The following TENM4 variants were observed in gnomAD, a reference collection of about 807,000 sequenced individuals.
TENM4 encodes the protein teneurin transmembrane protein 4.
A neutral mutation model predicts 243.3 loss-of-function variants in TENM4; 82 were observed. That is an observed-to-expected ratio of 0.34 (90% CI 0.28 to 0.40). The LOEUF is 0.40. TENM4 is among the 10% of genes least tolerant of loss of function. The pLI is 1.00. For missense variants in TENM4, 3,138 were observed against 3,673.3 expected, an observed-to-expected ratio of 0.85 and a Z score of 3.77; for synonymous variants, 1,412 against 1,456.3, an observed-to-expected ratio of 0.97 and a Z score of 0.69.
At chr11:79,374,122 T>C (rs909408021) in intron 1 of TENM4, among the ~76,000 whole-genome samples, 4 of 152,180 alleles carry the variant, frequency 2.6e-5, no homozygotes, top group Admixed American at 1.3e-4. Flanking sequence ...AAGGGTCATC[T>C]GATGATTTAC....
Position 78,654,777 on chromosome 11 carries a change from T to C in TENM4, c.*3281A>G, listed in dbSNP as rs970644328. 2 of 141,098 alleles carry C rather than the reference T, an allele frequency of 1.4e-5. No homozygotes were observed. Among genetic ancestry groups the C allele is most frequent in the African/African-American group, 5.1e-5 (2 of 39,362 alleles). 8.7% of individuals were successfully genotyped at this position (141,098 alleles called of 1,614,324 possible). ...TGCATGCCTTCCCCTTCCTCCAGTC[T>C]GCCCTCCAGCAATGTCTGTTTGGGG... On this transcript the variant is annotated 3_prime_UTR_variant, in exon 34 of 34. Coordinates refer to ENST00000278550, the MANE Select transcript of TENM4 (RefSeq NM_001098816.3).
intron 6 of TENM4, among the ~76,000 whole-genome samples, chr11:78,960,427 G>A (rs942347611): frequency 1.3e-5 from 2 of 152,202 alleles, no homozygotes; most frequent in African/African-American, 4.8e-5. Flanking sequence ...GCCCTTCATT[G>A]TCATTTGGTG....
At chr11:78,677,662 AATAC>A (rs1345093168) in intron 29 of TENM4, among the ~76,000 whole-genome samples, 2 of 151,954 alleles carry the variant, frequency 1.3e-5, no homozygotes, top group African/African-American at 4.8e-5. Context: ...GACAAAAAAA[AATAC>A]ATAAATATAA....
chr11:79,022,084 C>T (rs950194787), intron 6 of TENM4, among the ~76,000 whole-genome samples: 8 of 152,184 alleles, frequency 5.3e-5, no homozygotes, highest in Admixed American at 2.6e-4. Flanking sequence ...TAAGTCCTAA[C>T]ATAAGCGTTA....
chr11:78,841,150 C>T (rs1858250158), intron 12 of TENM4, among the ~76,000 whole-genome samples: 1 of 152,066 alleles, frequency 6.6e-6, no homozygotes, highest in African/African-American at 2.4e-5. Context: ...TTCATAATTA[C>T]CTTCATGAGT....
intron 1 of TENM4, among the ~76,000 whole-genome samples, chr11:79,389,091 T>G (rs1230067109): frequency 6.6e-6 from 1 of 152,194 alleles, no homozygotes; most frequent in African/African-American, 2.4e-5. Context: ...GTCAGAATTA[T>G]GAAGCATCTT....
At chr11:79,062,169 C>T (rs1471041968) in intron 6 of TENM4, among the ~76,000 whole-genome samples, 1 of 152,016 alleles carries the variant, frequency 6.6e-6, no homozygotes, top group African/African-American at 2.4e-5. Flanking sequence ...GCCATGTTGC[C>T]CAGGCTGGTC....
chr11:78,782,836 T>C (rs1220297296), intron 16 of TENM4, among the ~76,000 whole-genome samples: 4 of 151,822 alleles, frequency 2.6e-5, no homozygotes, highest in Admixed American at 2.6e-4. Flanking sequence ...TTTCTCTTCA[T>C]TGGGAAGTCT....
chr11:78,925,186 CA>C (rs1344379565), intron 6 of TENM4, among the ~76,000 whole-genome samples: 4 of 152,060 alleles, frequency 2.6e-5, no homozygotes, highest in African/African-American at 7.2e-5. Context: ...CAAAGAGCGT[CA>C]ACTGAGATTT....
At chr11:79,345,338 G>T (rs867778150) in intron 1 of TENM4, among the ~76,000 whole-genome samples, 3 of 152,074 alleles carry the variant, frequency 2.0e-5, no homozygotes, top group Non-Finnish European at 4.4e-5. Flanking sequence ...CAAATGTTAT[G>T]CTTTGCTTAA....
chr11:78,945,545 A>C (rs1322623548), intron 6 of TENM4, among the ~76,000 whole-genome samples: 1 of 152,212 alleles, frequency 6.6e-6, no homozygotes, highest in Non-Finnish European at 1.5e-5. Context: ...GGCCAAGTGA[A>C]AGAAAGAGTT....
intron 2 of TENM4, among the ~76,000 whole-genome samples, chr11:79,239,837 G>T (rs1036959814): frequency 1.3e-5 from 2 of 152,128 alleles, no homozygotes; most frequent in East Asian, 1.9e-4. Context: ...AGGTATAAAA[G>T]ATAGGAAAGA....
intron 29 of TENM4, among the ~76,000 whole-genome samples, chr11:78,685,659 C>T (rs1466425559): frequency 6.6e-6 from 1 of 152,154 alleles, no homozygotes; most frequent in Non-Finnish European, 1.5e-5. Context: ...AGAAAGCCCA[C>T]ATGAACCTTT....
At chr11:79,329,833 G>A (rs558790651) in intron 1 of TENM4, among the ~76,000 whole-genome samples, 34 of 152,336 alleles carry the variant, frequency 2.2e-4, no homozygotes, top group African/African-American at 7.9e-4. Flanking sequence ...CATTCTGAGT[G>A]TTCTGGGAAG....
intron 6 of TENM4, among the ~76,000 whole-genome samples, chr11:78,989,908 CA>C (rs1322891047): frequency 6.6e-6 from 1 of 151,710 alleles, no homozygotes; most frequent in Non-Finnish European, 1.5e-5. Flanking sequence ...AAAAAAAATA[CA>C]AAAAATTAGC....
chr11:79,173,169 C>T (rs968324555), intron 3 of TENM4, among the ~76,000 whole-genome samples: 9 of 152,166 alleles, frequency 5.9e-5, no homozygotes, highest in Non-Finnish European at 1.3e-4. Context: ...TTATTGAGTA[C>T]ATTTTATCGA....
rs544062510 is a variant in TENM4, at chr11:79,086,955, T to C, written c.-65-16946A>G. On this transcript the variant is annotated intron_variant, in intron 4 of 33. Transcript: ENST00000278550. ...CATTTTAATGTGATTTAATCTACCA[T>C]TCTGTACCTTTTTTTGATAACTTAC... 5.3e-5 allele frequency among the ~76,000 whole-genome samples: 8 copies of C among 152,266 alleles called. No individual in the cohort carries two copies. The South Asian group carries it at 1.5e-3, about 28-fold the overall frequency.
chr11:78,695,802 GT>G (rs1858946434), intron 28 of TENM4, among the ~76,000 whole-genome samples: 1 of 146,870 alleles, frequency 6.8e-6, no homozygotes, highest in African/African-American at 2.6e-5. Context: ...TGCTTTTAAG[GT>G]TTTCTGTCTC....
chr11:79,080,296 T>A (rs10899587), intron 4 of TENM4, among the ~76,000 whole-genome samples: 141,336 of 152,288 alleles, frequency 0.93, 65,872 homozygotes, highest in Middle Eastern at 0.98. Context: ...GCAGTCTTGA[T>A]CCTCGAAGAG....
Sources: gnomAD v4.1 joint callset for allele counts (sites outside exome capture counted in the v4.1 genomes callset) on GRCh38, gnomAD v4.1.1 for gene constraint, MANE v1.5 for transcripts, NCBI Gene and HGNC (gene_info 2026-07-23, HGNC 2026-07-21) for gene names.